TMEM164: variants seen among roughly 807,000 people sequenced by gnomAD.
TMEM164 encodes the protein transmembrane protein 164.
A neutral mutation model predicts 18.8 loss-of-function variants in TMEM164; 4 were observed. The ratio of observed to expected loss-of-function variants is 0.21; its 90% CI spans 0.10 to 0.49. The LOEUF (loss-of-function observed/expected upper bound fraction) is 0.49, where lower values mean the gene tolerates loss of function less well. Among genes scored for constraint, TMEM164 ranks in the 20% least tolerant of loss-of-function variants. The pLI, the probability that TMEM164 is intolerant of heterozygous loss-of-function variation, is 0.98. For missense variants in TMEM164, 108 were observed against 239.9 expected, an observed-to-expected ratio of 0.45 and a Z score of 3.63; for synonymous variants, 86 against 101.7, an observed-to-expected ratio of 0.85 and a Z score of 0.93.
downstream of TMEM164, among the ~76,000 whole-genome samples, chrX:110,178,544 T>TGCCCC (rs2067310985): frequency 8.9e-6 from 1 of 112,126 alleles, no homozygotes; most frequent in African/African-American, 3.2e-5. Flanking sequence ...CTGGGCAGTC[T>TGCCCC]TTGTACAGCT....
Position 110,071,151 on chromosome X carries a change from A to ATATTTATT in TMEM164, c.440+3786_440+3793dup, listed in dbSNP as rs59713249. Among the ~76,000 whole-genome samples, 870 of 96,805 alleles carry ATATTTATT rather than the reference A, an allele frequency of 9.0e-3. 9 individuals are homozygous for ATATTTATT. The highest frequency in any genetic ancestry group is 0.021 in the Middle Eastern group (4 of 194). 84.1% of individuals were successfully genotyped at this position (96,805 alleles called of 115,157 possible). ...TTTACATTTATGTAGAGATTTTTAA[A>ATATTTATT]TATTTATTTATTTATTTATTTATTT... On this transcript the variant is annotated intron_variant, in intron 3 of 6. Coordinates refer to ENST00000372068, the MANE Select transcript of TMEM164 (RefSeq NM_032227.4).
At chrX:110,136,383 A>G (rs1364984306) in intron 4 of TMEM164, among the ~76,000 whole-genome samples, 1 of 111,941 alleles carries the variant, frequency 8.9e-6, no homozygotes, top group Non-Finnish European at 1.9e-5. Flanking sequence ...GTTAATGAAG[A>G]TAAAGTGTTC....
intron 4 of TMEM164, among the ~76,000 whole-genome samples, chrX:110,132,084 CT>C (rs1329089614): frequency 9.0e-6 from 1 of 111,628 alleles, no homozygotes; most frequent in Non-Finnish European, 1.9e-5. Context: ...GCCAGGTTCC[CT>C]GGGTTCAAAT....
At chrX:110,118,483 G>T (rs1470574375) in intron 4 of TMEM164, among the ~76,000 whole-genome samples, 1 of 111,340 alleles carries the variant, frequency 9.0e-6, no homozygotes, top group African/African-American at 3.3e-5. Context: ...ATAATGGTAA[G>T]CTGAAGTACA....
intron 2 of TMEM164, among the ~76,000 whole-genome samples, chrX:110,035,407 G>A (rs1011494966): frequency 3.7e-5 from 4 of 108,961 alleles, no homozygotes; most frequent in Middle Eastern, 4.7e-3. Context: ...CCTCATAAAC[G>A]TTTCCTGTGT....
chrX:110,139,773 A>G (rs2066742074), intron 4 of TMEM164, among the ~76,000 whole-genome samples: 1 of 111,073 alleles, frequency 9.0e-6, no homozygotes. Flanking sequence ...TGGTGAGCAT[A>G]GAAGTGAGGA....
chrX:110,142,293 T>C (rs1273453557), intron 4 of TMEM164, among the ~76,000 whole-genome samples: 2 of 112,116 alleles, frequency 1.8e-5, no homozygotes, highest in Non-Finnish European at 3.8e-5. Context: ...GTCCTGCCCC[T>C]GGTCCTGTTG....
At chrX:110,058,248 A>T (rs1429267832) in intron 2 of TMEM164, among the ~76,000 whole-genome samples, 1 of 109,608 alleles carries the variant, frequency 9.1e-6, no homozygotes, top group Non-Finnish European at 1.9e-5. Context: ...AAGGTTCTTT[A>T]TTCCTTTTCA....
At chrX:110,146,098 C>G (rs1389245838) in intron 5 of TMEM164, among the ~76,000 whole-genome samples, 1 of 112,422 alleles carries the variant, frequency 8.9e-6, no homozygotes, top group Non-Finnish European at 1.9e-5. Flanking sequence ...AGACTTGTGC[C>G]ATTTCTCAGG....
intron 2 of TMEM164, among the ~76,000 whole-genome samples, chrX:110,063,560 A>T (rs771852798): frequency 3.7e-4 from 41 of 111,267 alleles, no homozygotes; most frequent in Non-Finnish European, 7.0e-4. Flanking sequence ...TGATGCCTAG[A>T]TTGGATGCTT....
chrX:110,133,597 G>A (rs1041706661), intron 4 of TMEM164, among the ~76,000 whole-genome samples: 1 of 111,925 alleles, frequency 8.9e-6, no homozygotes, highest in Non-Finnish European at 1.9e-5. Context: ...TTCAATGCAT[G>A]AATTTGGGGA....
At chrX:110,104,361 T>A (rs1226150428) in intron 3 of TMEM164, among the ~76,000 whole-genome samples, 1 of 111,861 alleles carries the variant, frequency 8.9e-6, no homozygotes, top group Non-Finnish European at 1.9e-5. Context: ...GGGCTGTTCT[T>A]TCTCCAGTAA....
At chrX:110,172,317 C>T (rs996526733) in intron 6 of TMEM164, among the ~76,000 whole-genome samples, 12 of 111,988 alleles carry the variant, frequency 1.1e-4, no homozygotes, top group Admixed American at 9.3e-4. Context: ...CGACCGTCCC[C>T]GGGGCAGGTG....
chrX:110,151,196 C>G (rs890159951), intron 5 of TMEM164, among the ~76,000 whole-genome samples: 36 of 112,449 alleles, frequency 3.2e-4, no homozygotes, highest in South Asian at 7.3e-4. Context: ...ACTGAAGGAA[C>G]TGGTACCTTT....
intron 5 of TMEM164, among the ~76,000 whole-genome samples, chrX:110,149,409 G>A (rs181060379): frequency 6.2e-4 from 69 of 111,841 alleles, no homozygotes; most frequent in Admixed American, 5.9e-3. Context: ...CAAATCTAAT[G>A]ACCATCTCTC....
At position 110,003,721 on chromosome X, in the gene TMEM164, G is replaced by T; in HGVS notation, c.-54G>T. 8.7e-7 allele frequency: 1 copy of T among 1,146,782 alleles called. No homozygotes were observed. 94.5% of individuals were successfully genotyped at this position (1,146,782 alleles called of 1,213,427 possible). On this transcript the variant is annotated 5_prime_UTR_variant, in exon 2 of 7. Coordinates refer to ENST00000372068, the MANE Select transcript of TMEM164 (RefSeq NM_032227.4). ...ACCACCCGGGCAACCCTCTGGGCTTGTGTTCCATCTCACTCTTGCTTCCTG... is the reference window on the plus strand; with the variant it reads ...ACCACCCGGGCAACCCTCTGGGCTTTTGTTCCATCTCACTCTTGCTTCCTG...
At chrX:110,118,315 A>C (rs895480175) in intron 4 of TMEM164, among the ~76,000 whole-genome samples, 1 of 111,927 alleles carries the variant, frequency 8.9e-6, no homozygotes, top group Non-Finnish European at 1.9e-5. Context: ...ATATATTCAT[A>C]TATTCCTTCT....
chrX:110,033,988 G>A (rs1934646812), intron 2 of TMEM164, among the ~76,000 whole-genome samples: 1 of 109,798 alleles, frequency 9.1e-6, no homozygotes, highest in Non-Finnish European at 1.9e-5. Flanking sequence ...CAACTTCTTT[G>A]GAGGGAAAAA....
At chrX:110,105,075 T>G (rs1333265091) in intron 3 of TMEM164, among the ~76,000 whole-genome samples, 1 of 110,156 alleles carries the variant, frequency 9.1e-6, no homozygotes, top group African/African-American at 3.3e-5. Flanking sequence ...TCATATGATT[T>G]TTTTTCTATT....
Sources: allele counts gnomAD v4.1 joint callset (sites outside exome capture counted in the v4.1 genomes callset), GRCh38; gene constraint gnomAD v4.1.1; transcripts MANE v1.5; gene names NCBI Gene and HGNC (gene_info 2026-07-23, HGNC 2026-07-21).